THSD7B: variants seen among roughly 807,000 people sequenced by gnomAD.
THSD7B encodes thrombospondin type 1 domain containing 7B.
In THSD7B, 138 loss-of-function variants were observed where a neutral mutation model predicts 213.6. The ratio of observed to expected loss-of-function variants is 0.65; its 90% CI spans 0.56 to 0.74. THSD7B has a LOEUF of 0.74. THSD7B is among the 30% of genes least tolerant of loss of function. The pLI, the probability that THSD7B is intolerant of heterozygous loss-of-function variation, is 0.00. For synonymous variants in THSD7B, 742 were observed against 687.0 expected, an observed-to-expected ratio of 1.08 and a Z score of -1.25; for missense variants, 1,931 against 1,991.5, an observed-to-expected ratio of 0.97 and a Z score of 0.58.
At chr2:136,885,277 T>C (rs193109299) in intron 2 of THSD7B, among the ~76,000 whole-genome samples, 23 of 150,930 alleles carry the variant, frequency 1.5e-4, no homozygotes, top group African/African-American at 5.6e-4. Context: ...GTAGGTCCGA[T>C]GTTAGTCAAC....
At chr2:137,512,835 G>A (rs1558822872) in intron 15 of THSD7B, among the ~76,000 whole-genome samples, 1 of 152,066 alleles carries the variant, frequency 6.6e-6, no homozygotes, top group Non-Finnish European at 1.5e-5. Flanking sequence ...ACCCCCATGA[G>A]GCAGTAATAA....
intron 2 of THSD7B, among the ~76,000 whole-genome samples, chr2:136,965,285 GC>G (rs2105089977): frequency 6.6e-6 from 1 of 152,248 alleles, no homozygotes; most frequent in East Asian, 1.9e-4. Flanking sequence ...TAACTAATTT[GC>G]CTCTCTTATG....
At chr2:137,496,377 ATAAACT>A (rs1217337365) in intron 15 of THSD7B, among the ~76,000 whole-genome samples, 2 of 152,160 alleles carry the variant, frequency 1.3e-5, no homozygotes, top group Admixed American at 6.5e-5. Flanking sequence ...CATTTTAAAG[ATAAACT>A]TAAAATCTAG....
At chr2:137,198,087 C>T (rs1457150445) in intron 7 of THSD7B, among the ~76,000 whole-genome samples, 1 of 152,090 alleles carries the variant, frequency 6.6e-6, no homozygotes, top group Non-Finnish European at 1.5e-5. Flanking sequence ...CATTATTTAG[C>T]TTCAAATTTT....
At chr2:137,630,330 A>G (rs1439717273) in intron 20 of THSD7B, among the ~76,000 whole-genome samples, 1 of 152,156 alleles carries the variant, frequency 6.6e-6, no homozygotes, top group East Asian at 1.9e-4. Context: ...TGAGTGGTAC[A>G]AAGAGGAATA....
chr2:137,275,782 C>T, intron 11 of THSD7B, 141 bp from the exon 12 acceptor site: 1 of 593,476 alleles, frequency 1.7e-6, no homozygotes, highest in Non-Finnish European at 2.9e-6. Context: ...CTTGCCAAGG[C>T]TTGGTTTTAT....
chr2:136,893,858 A>G (rs1683906912), intron 2 of THSD7B, among the ~76,000 whole-genome samples: 2 of 152,242 alleles, frequency 1.3e-5, no homozygotes, highest in South Asian at 4.1e-4. Context: ...CATCACTCAT[A>G]CTTATTACCT....
intron 15 of THSD7B, among the ~76,000 whole-genome samples, chr2:137,498,335 CTTT>C (rs10535733): frequency 1.3e-3 from 189 of 146,386 alleles, no homozygotes; most frequent in East Asian, 4.6e-3. Flanking sequence ...ACAGTAAAGT[CTTT>C]TTTTTTTTTT....
At chr2:137,539,001 T>C (rs2105189648) in intron 15 of THSD7B, among the ~76,000 whole-genome samples, 1 of 151,802 alleles carries the variant, frequency 6.6e-6, no homozygotes, top group South Asian at 2.1e-4. Context: ...TTTCTCTTTT[T>C]CTCTCTCTGT....
chr2:137,232,148 A>T (rs1408536844), intron 8 of THSD7B, among the ~76,000 whole-genome samples: 1 of 152,172 alleles, frequency 6.6e-6, no homozygotes, highest in Non-Finnish European at 1.5e-5. Context: ...TAAACCATTA[A>T]AGTGTAGAAG....
intron 2 of THSD7B, among the ~76,000 whole-genome samples, chr2:136,919,065 T>C (rs910364231): frequency 6.6e-6 from 1 of 152,232 alleles, no homozygotes; most frequent in Non-Finnish European, 1.5e-5. Context: ...TTCCTTAAAT[T>C]GGTGTTTCCC....
chr2:137,507,037 A>G (rs1679852290), intron 15 of THSD7B, among the ~76,000 whole-genome samples: 1 of 152,184 alleles, frequency 6.6e-6, no homozygotes, highest in Admixed American at 6.5e-5. Context: ...CAGGTGCCTC[A>G]AGATATTTGA....
intron 12 of THSD7B, among the ~76,000 whole-genome samples, chr2:137,397,640 G>A (rs1686227379): frequency 6.7e-6 from 1 of 150,288 alleles, no homozygotes; most frequent in Non-Finnish European, 1.5e-5. Flanking sequence ...ACAATTATGT[G>A]TCTTGGAGTT....
At chr2:136,966,862 A>G (rs1173036880) in intron 2 of THSD7B, among the ~76,000 whole-genome samples, 1 of 152,220 alleles carries the variant, frequency 6.6e-6, no homozygotes, top group Non-Finnish European at 1.5e-5. Context: ...ATAGCTCAAA[A>G]GAAACACTAA....
chr2:137,476,554 A>G (rs1688196777), intron 15 of THSD7B, among the ~76,000 whole-genome samples: 1 of 152,124 alleles, frequency 6.6e-6, no homozygotes, highest in African/African-American at 2.4e-5. Context: ...CAGTTTTCCC[A>G]GTAATATTTA....
chr2:137,142,824 G>A (rs561503112), intron 5 of THSD7B, among the ~76,000 whole-genome samples: 1 of 152,134 alleles, frequency 6.6e-6, no homozygotes, highest in African/African-American at 2.4e-5. Flanking sequence ...AAGTAAGGGC[G>A]ATTGTTTTCT....
intron 14 of THSD7B, among the ~76,000 whole-genome samples, chr2:137,417,021 A>G (rs1036870941): frequency 6.6e-6 from 1 of 152,224 alleles, no homozygotes; most frequent in Non-Finnish European, 1.5e-5. Context: ...TTTGTAGGCA[A>G]TGAATTATTT....
At chr2:137,567,133 C>CTATTTTATTTTATTTTATTTTATTT (rs375165713) in intron 16 of THSD7B, among the ~76,000 whole-genome samples, 16 of 137,590 alleles carry the variant, frequency 1.2e-4, no homozygotes, top group East Asian at 1.0e-3. Flanking sequence ...GTGACATGCT[C>CTATTTTATTTTATTTTATTTTATTT]TATTTTATTT....
chr2:136,877,079 G>A (rs1300531819), intron 1 of THSD7B, among the ~76,000 whole-genome samples: 1 of 140,784 alleles, frequency 7.1e-6, no homozygotes, highest in Non-Finnish European at 1.5e-5. Context: ...CAGTGCGCCC[G>A]TATGTGCATA....
Sources: allele counts gnomAD v4.1 joint callset (sites outside exome capture counted in the v4.1 genomes callset), GRCh38; gene constraint gnomAD v4.1.1; transcripts MANE v1.5; gene names NCBI Gene and HGNC (gene_info 2026-07-23, HGNC 2026-07-21).